The following TMEM132C variants were observed in gnomAD, a reference collection of about 807,000 sequenced individuals.
TMEM132C encodes protein phosphatase 1, regulatory subunit 152.
A neutral mutation model predicts 61.4 loss-of-function variants in TMEM132C; 29 were observed. The ratio of observed to expected loss-of-function variants is 0.47; its 90% confidence interval spans 0.35 to 0.64. The LOEUF (loss-of-function observed/expected upper bound fraction) is 0.64, where lower values mean the gene tolerates loss of function less well. Ranked by LOEUF, TMEM132C falls within the 30% of genes least tolerant of loss-of-function variation. TMEM132C has a pLI of 0.00. For synonymous variants in TMEM132C, 656 were observed against 633.1 expected, an observed-to-expected ratio of 1.04 and a Z score of -0.54; for missense variants, 1,408 against 1,476.9, an observed-to-expected ratio of 0.95 and a Z score of 0.76.
chr12:128,406,234 T>C (rs1438832003), intron 1 of TMEM132C, among the ~76,000 whole-genome samples: 1 of 152,224 alleles, frequency 6.6e-6, no homozygotes, highest in Admixed American at 6.5e-5. Context: ...ATTGTACACC[T>C]TACTGCTGTG....
intron 4 of TMEM132C, among the ~76,000 whole-genome samples, chr12:128,635,945 C>T (rs1003460673): frequency 1.3e-5 from 2 of 152,178 alleles, no homozygotes; most frequent in African/African-American, 4.8e-5. Context: ...CCCCAGAAGT[C>T]GGGTCTAGCC....
At chr12:128,272,095 G>A (rs374056505) in intron 1 of TMEM132C, among the ~76,000 whole-genome samples, 9 of 152,204 alleles carry the variant, frequency 5.9e-5, no homozygotes, top group South Asian at 2.1e-4. Flanking sequence ...TCTAAGTTTC[G>A]ACAAATGCAC....
At chr12:128,489,860 T>A (rs1292891711) in intron 2 of TMEM132C, among the ~76,000 whole-genome samples, 3 of 152,214 alleles carry the variant, frequency 2.0e-5, no homozygotes, top group Middle Eastern at 3.4e-3. Flanking sequence ...GTAGCTGGCA[T>A]TTTTTTACAA....
chr12:128,279,744 C>T (rs1044663165), intron 1 of TMEM132C, among the ~76,000 whole-genome samples: 6 of 152,224 alleles, frequency 3.9e-5, no homozygotes, highest in African/African-American at 1.2e-4. Flanking sequence ...TGCACATTGT[C>T]TGTTGTTCTC....
intron 1 of TMEM132C, among the ~76,000 whole-genome samples, chr12:128,282,389 C>G (rs569378042): frequency 6.6e-6 from 1 of 152,216 alleles, no homozygotes; most frequent in African/African-American, 2.4e-5. Context: ...AGGAAACTTA[C>G]AATCATGGCA....
At position 128,707,331 on chromosome 12, in the gene TMEM132C, C is replaced by T. The variant is rs1954850597; in HGVS notation, c.*1036C>T. The stretch of plus-strand genomic sequence containing the variant: ...GGGTTAAATCAAAAAAGAGGCCACG[C>T]CCAGGTGTAATCAGAGCCAACCTGG... On this transcript the variant is annotated 3_prime_UTR_variant, in exon 9 of 9. Transcript: ENST00000435159. The T allele has an allele frequency of 1.3e-5, 2 of 152,232 alleles. No homozygotes were observed. Among genetic ancestry groups the T allele is most frequent in the Admixed American group, 1.3e-4 (2 of 15,278 alleles). 9.4% of individuals were successfully genotyped at this position (152,232 alleles called of 1,614,324 possible).
chr12:128,583,586 T>C (rs1281949244), intron 3 of TMEM132C, among the ~76,000 whole-genome samples: 7 of 152,154 alleles, frequency 4.6e-5, no homozygotes, highest in Admixed American at 3.9e-4. Context: ...GCCCTGATGC[T>C]GGGAACAGGG....
At chr12:128,411,071 G>C (rs545909977) in intron 1 of TMEM132C, among the ~76,000 whole-genome samples, 3 of 152,118 alleles carry the variant, frequency 2.0e-5, no homozygotes, top group Non-Finnish European at 4.4e-5. Context: ...CTAGGGAACC[G>C]ATATTGTCTT....
intron 3 of TMEM132C, among the ~76,000 whole-genome samples, chr12:128,566,604 C>T (rs2085626499): frequency 6.6e-6 from 1 of 152,182 alleles, no homozygotes; most frequent in Non-Finnish European, 1.5e-5. Context: ...CATGAAATTA[C>T]TTCTGAGTTT....
intron 4 of TMEM132C, among the ~76,000 whole-genome samples, chr12:128,655,333 C>G (rs1055743402): frequency 6.6e-6 from 1 of 152,134 alleles, no homozygotes; most frequent in African/African-American, 2.4e-5. Flanking sequence ...TTGCAAGAGG[C>G]CTCCCCTGCA....
intron 1 of TMEM132C, among the ~76,000 whole-genome samples, chr12:128,355,284 G>A (rs1873468065): frequency 6.6e-6 from 1 of 152,132 alleles, no homozygotes; most frequent in Admixed American, 6.5e-5. Flanking sequence ...GGAGGGAAGG[G>A]ATCTCTCTGC....
chr12:128,632,810 T>C (rs1954074148), intron 4 of TMEM132C, among the ~76,000 whole-genome samples: 1 of 152,252 alleles, frequency 6.6e-6, no homozygotes, highest in Non-Finnish European at 1.5e-5. Flanking sequence ...TTATGGAATA[T>C]ATCTCTTTAA....
At chr12:128,276,237 T>A (rs1870685755) in intron 1 of TMEM132C, among the ~76,000 whole-genome samples, 1 of 152,218 alleles carries the variant, frequency 6.6e-6, no homozygotes, top group Non-Finnish European at 1.5e-5. Context: ...GGGCCATCAT[T>A]ATTTGTATTA....
At chr12:128,494,475 C>T (rs1382169096) in intron 2 of TMEM132C, among the ~76,000 whole-genome samples, 1 of 152,116 alleles carries the variant, frequency 6.6e-6, no homozygotes, top group African/African-American at 2.4e-5. Flanking sequence ...TCTGTCTGGT[C>T]CTGGACTTCT....
At chr12:128,292,669 G>A (rs374658762) in intron 1 of TMEM132C, among the ~76,000 whole-genome samples, 3,984 of 136,540 alleles carry the variant, frequency 0.029, 204 homozygotes, top group African/African-American at 0.1. Flanking sequence ...GTATTCATAA[G>A]TGTCTGTTAA....
chr12:128,575,760 G>A (rs1016944748), intron 3 of TMEM132C, among the ~76,000 whole-genome samples: 1 of 152,202 alleles, frequency 6.6e-6, no homozygotes, highest in Non-Finnish European at 1.5e-5. Flanking sequence ...TTGTAAAATA[G>A]GTCAAGGACG....
chr12:128,619,665 G>T (rs866386089), intron 4 of TMEM132C, among the ~76,000 whole-genome samples: 3 of 152,196 alleles, frequency 2.0e-5, no homozygotes, highest in South Asian at 2.1e-4. Context: ...TCCTCCCTGC[G>T]CTGTCCCCAC....
chr12:128,447,812 C>T (rs1001388084), intron 2 of TMEM132C, among the ~76,000 whole-genome samples: 3 of 101,852 alleles, frequency 2.9e-5, no homozygotes, highest in Admixed American at 1.9e-4. Flanking sequence ...CTGCAAGCTC[C>T]GCCTCCCGGG....
At chr12:128,343,348 T>C (rs1873039321) in intron 1 of TMEM132C, among the ~76,000 whole-genome samples, 1 of 150,604 alleles carries the variant, frequency 6.6e-6, no homozygotes, top group Non-Finnish European at 1.5e-5. Context: ...CACCTGAACC[T>C]GAGAGGCGGA....
Sources: gnomAD v4.1 joint callset for allele counts (sites outside exome capture counted in the v4.1 genomes callset) on GRCh38, gnomAD v4.1.1 for gene constraint, MANE v1.5 for transcripts, NCBI Gene and HGNC (gene_info 2026-07-23, HGNC 2026-07-21) for gene names.